PDE10A: variants seen among roughly 807,000 people sequenced by gnomAD.
PDE10A encodes cAMP and cAMP-inhibited cGMP 3',5'-cyclic phosphodiesterase 10A.
A neutral mutation model predicts 97.7 loss-of-function variants in PDE10A; 39 were observed. That is an observed-to-expected ratio of 0.40 (90% CI 0.31 to 0.52). PDE10A has a LOEUF of 0.52. Among genes scored for constraint, PDE10A ranks in the 20% least tolerant of loss-of-function variants. The probability of loss-of-function intolerance (pLI) is 0.56; values close to 1 mark genes in which losing one functional copy is unlikely to be tolerated. For synonymous variants in PDE10A, 371 were observed against 376.8 expected (o/e 0.98, Z 0.18); for missense variants, 731 against 1,047.8 (o/e 0.70, Z 4.17).
At chr6:165,806,224 C>A (rs1365143336) in intron 1 of PDE10A, among the ~76,000 whole-genome samples, 4 of 152,044 alleles carry the variant, frequency 2.6e-5, no homozygotes, top group Middle Eastern at 3.2e-3. Context: ...TTGTGTAAGG[C>A]AAACTCTTCA....
intron 3 of PDE10A, among the ~76,000 whole-genome samples, chr6:165,459,317 C>G (rs73788399): frequency 0.03 from 4,607 of 152,130 alleles, 230 homozygotes; most frequent in African/African-American, 0.1. Context: ...ATATGCTTTT[C>G]ACACGTCCTA....
chr6:165,785,803 G>A (rs6934322), intron 1 of PDE10A, among the ~76,000 whole-genome samples: 76,028 of 151,560 alleles, frequency 0.5, 19,620 homozygotes, highest in Middle Eastern at 0.58. Context: ...GAACTTTCAG[G>A]AACGGATTCT....
At chr6:165,541,662 T>C (rs1583501543) in intron 2 of PDE10A, among the ~76,000 whole-genome samples, 1 of 152,366 alleles carries the variant, frequency 6.6e-6, no homozygotes, top group Non-Finnish European at 1.5e-5. Flanking sequence ...AGCCACACTT[T>C]TGAAAGTGTC....
intron 1 of PDE10A, among the ~76,000 whole-genome samples, chr6:165,649,631 A>T (rs374103925): frequency 6.6e-5 from 10 of 152,264 alleles, no homozygotes; most frequent in African/African-American, 2.2e-4. Flanking sequence ...GAAGAGGTGC[A>T]GGGGTGCCCA....
chr6:165,797,733 A>G (rs1778867515), intron 1 of PDE10A, among the ~76,000 whole-genome samples: 1 of 152,214 alleles, frequency 6.6e-6, no homozygotes. Context: ...AATCAGTTTT[A>G]AAATGAAAGT....
At chr6:165,902,674 C>T (rs150491927) in intron 1 of PDE10A, among the ~76,000 whole-genome samples, 1,726 of 152,310 alleles carry the variant, frequency 0.011, 34 homozygotes, top group Non-Finnish European at 0.013. Context: ...GATATTTCCT[C>T]GCCATCCTTC....
At chr6:165,570,153 T>C (rs1784982329) in intron 1 of PDE10A, among the ~76,000 whole-genome samples, 1 of 152,190 alleles carries the variant, frequency 6.6e-6, no homozygotes, top group South Asian at 2.1e-4. Context: ...TAATCCAATA[T>C]GACTAGTACC....
At chr6:165,609,712 T>C (rs1344818283) in intron 1 of PDE10A, among the ~76,000 whole-genome samples, 1 of 152,048 alleles carries the variant, frequency 6.6e-6, no homozygotes. Context: ...TATACACCAA[T>C]AACAGACAAA....
intron 1 of PDE10A, among the ~76,000 whole-genome samples, chr6:165,792,100 G>C (rs1383253219): frequency 6.6e-6 from 1 of 152,180 alleles, no homozygotes; most frequent in Non-Finnish European, 1.5e-5. Context: ...GTGTCTGGAA[G>C]GAGGCACCCT....
chr6:165,807,256 C>G (rs1008138732), intron 1 of PDE10A, among the ~76,000 whole-genome samples: 1 of 148,934 alleles, frequency 6.7e-6, no homozygotes, highest in Admixed American at 6.6e-5. Flanking sequence ...TGCATATTTT[C>G]CTTTTTAGAT....
rs568424218 is a variant in PDE10A, at chr6:165,742,013, T to C, written c.-614-198445A>G. On this transcript the variant is annotated intron_variant, in intron 1 of 19. Transcript: ENST00000366882. The stretch of plus-strand genomic sequence containing the variant: ...ACAGCAGGATTTAAATTAAGCCACA[T>C]GTGTTTTGGTACAGGTCATGACAAT... Among the ~76,000 whole-genome samples the C allele has an allele frequency of 2.0e-5, 3 of 152,308 alleles. No homozygotes were observed. The South Asian group carries it at 6.2e-4, about 32-fold the overall frequency.
intron 1 of PDE10A, among the ~76,000 whole-genome samples, chr6:165,748,153 G>A (rs1792886161): frequency 6.6e-6 from 1 of 152,096 alleles, no homozygotes; most frequent in South Asian, 2.1e-4. Context: ...ATGTCAGACA[G>A]CCCAGAAAAA....
At chr6:165,577,811 G>A (rs1785395691) in intron 1 of PDE10A, among the ~76,000 whole-genome samples, 2 of 152,202 alleles carry the variant, frequency 1.3e-5, no homozygotes, top group Admixed American at 1.3e-4. Context: ...CCATCCGCCC[G>A]CTTCCGGCCT....
chr6:165,347,347 T>C (rs1166232263), intron 18 of PDE10A, among the ~76,000 whole-genome samples: 1 of 152,208 alleles, frequency 6.6e-6, no homozygotes, highest in Non-Finnish European at 1.5e-5. Flanking sequence ...ATAACTTTCA[T>C]ATAAGTATAA....
chr6:165,656,256 TCTCACACACACA>T (rs1267067049), intron 1 of PDE10A, among the ~76,000 whole-genome samples: 10 of 106,656 alleles, frequency 9.4e-5, no homozygotes, highest in Non-Finnish European at 1.1e-4. Context: ...TCTCTCTCTC[TCTCACACACACA>T]CACACACACA....
At chr6:165,590,692 C>T (rs1786202631) in intron 1 of PDE10A, among the ~76,000 whole-genome samples, 1 of 152,100 alleles carries the variant, frequency 6.6e-6, no homozygotes, top group African/African-American at 2.4e-5. Context: ...CAGATCGAGA[C>T]CATCCTGGCT....
At chr6:165,473,817 T>C (rs939381823) in intron 3 of PDE10A, among the ~76,000 whole-genome samples, 19 of 152,252 alleles carry the variant, frequency 1.2e-4, no homozygotes, top group African/African-American at 4.1e-4. Flanking sequence ...CTAACATTAC[T>C]GCAATCTACT....
chr6:165,884,863 A>C (rs1015836014), intron 1 of PDE10A, among the ~76,000 whole-genome samples: 2 of 152,208 alleles, frequency 1.3e-5, no homozygotes, highest in Non-Finnish European at 2.9e-5. Flanking sequence ...CTTCAGGGCT[A>C]ATTGGACACA....
At chr6:165,866,473 G>A (rs184727163) in intron 1 of PDE10A, among the ~76,000 whole-genome samples, 2 of 151,278 alleles carry the variant, frequency 1.3e-5, no homozygotes, top group East Asian at 3.9e-4. Flanking sequence ...TCATGCACTG[G>A]TGCGTAAGGG....
Sources: gnomAD v4.1 joint callset for allele counts (sites outside exome capture counted in the v4.1 genomes callset) on GRCh38, gnomAD v4.1.1 for gene constraint, MANE v1.5 for transcripts, NCBI Gene and HGNC (gene_info 2026-07-23, HGNC 2026-07-21) for gene names.